SLC9A7: variants seen among roughly 807,000 people sequenced by gnomAD.
SLC9A7 encodes the protein sodium/hydrogen exchanger 7.
In SLC9A7, 19 loss-of-function variants were observed where a neutral mutation model predicts 52.6. The ratio of observed to expected loss-of-function variants is 0.36; its 90% CI spans 0.25 to 0.53. The LOEUF (loss-of-function observed/expected upper bound fraction) is 0.53. Among genes scored for constraint, SLC9A7 ranks in the 20% least tolerant of loss-of-function variants. The pLI, the probability that SLC9A7 is intolerant of heterozygous loss-of-function variation, is 0.91. For synonymous variants in SLC9A7, 226 were observed against 252.1 expected (o/e 0.90, Z 0.98); for missense variants, 455 against 597.9 (o/e 0.76, Z 2.49).
At chrX:46,675,007 T>C (rs1190065663) in intron 3 of SLC9A7, among the ~76,000 whole-genome samples, 1 of 108,975 alleles carries the variant, frequency 9.2e-6, no homozygotes, top group Non-Finnish European at 1.9e-5. Flanking sequence ...TAACATGTTA[T>C]TGTATATGTG....
At chrX:46,686,413 G>C (rs1306594896) in intron 1 of SLC9A7, among the ~76,000 whole-genome samples, 1 of 112,077 alleles carries the variant, frequency 8.9e-6, no homozygotes, top group African/African-American at 3.2e-5. Context: ...TCCATGGCAT[G>C]ATATTAAGTT....
chrX:46,655,324 G>A (rs974857554), intron 7 of SLC9A7, among the ~76,000 whole-genome samples: 9 of 111,949 alleles, frequency 8.0e-5, no homozygotes, highest in Non-Finnish European at 1.5e-4. Context: ...AAGATTGAAT[G>A]TATAAAATCT....
chrX:46,759,057 G>A lies in SLC9A7; in HGVS notation c.-28C>T, dbSNP rs1487417783. Reference sequence around the variant, plus strand: ...TCCCGGGGCCCCCCGCGCCTCCTCCGAGCGGGGACCAGCAGCCCGCGCCGT... The same window carrying A: ...TCCCGGGGCCCCCCGCGCCTCCTCCAAGCGGGGACCAGCAGCCCGCGCCGT... On this transcript the variant is annotated 5_prime_UTR_variant, in exon 1 of 17. Transcript: ENST00000616978. 3 of 890,749 alleles carry A rather than the reference G, an allele frequency of 3.4e-6. No homozygotes were observed. Among genetic ancestry groups the A allele is most frequent in the Non-Finnish European group, 2.8e-6 (2 of 722,648 alleles). 73.4% of individuals were successfully genotyped at this position (890,749 alleles called of 1,213,427 possible). A position where few individuals can be genotyped will look rare whatever the true frequency, so the allele number is the denominator to read the frequency against.
Position 46,752,990 on chromosome X carries a change from A to G in SLC9A7, c.325+5715T>C, listed in dbSNP as rs57215097. Reference sequence around the variant, plus strand: ...ATATTCTAAGAAATGCTTTTAGTAAATGTCATTTTTCTATTTTTTAAGATA... The same window carrying G: ...ATATTCTAAGAAATGCTTTTAGTAAGTGTCATTTTTCTATTTTTTAAGATA... On this transcript the variant is annotated intron_variant, in intron 1 of 16. Transcript: ENST00000616978. 7.1e-3 allele frequency among the ~76,000 whole-genome samples: 797 copies of G among 112,173 alleles called. 9 individuals carry two copies. The highest frequency in any genetic ancestry group is 0.024 in the African/African-American group (731 of 30,930).
At chrX:46,743,234 C>G (rs1483497576) in intron 1 of SLC9A7, among the ~76,000 whole-genome samples, 1 of 111,980 alleles carries the variant, frequency 8.9e-6, no homozygotes, top group Non-Finnish European at 1.9e-5. Context: ...CCTGCATGAC[C>G]TCATATTCCA....
At position 46,603,623 on chromosome X, in the gene SLC9A7, G is replaced by T. The variant is rs1321207820; in HGVS notation, c.*3329C>A. Reference sequence around the variant, plus strand: ...GGAGGCAGAGGCGGGTGGATCACGAGGTCAGCAGATCGAGACCATCCTGCC... The same window carrying T: ...GGAGGCAGAGGCGGGTGGATCACGATGTCAGCAGATCGAGACCATCCTGCC... On this transcript the variant is annotated 3_prime_UTR_variant, in exon 17 of 17. Coordinates refer to ENST00000616978, the MANE Select transcript of SLC9A7 (RefSeq NM_001257291.2). 1.8e-5 allele frequency: 2 copies of T among 111,818 alleles called. No homozygotes were observed. Among genetic ancestry groups the T allele is most frequent in the Admixed American group, 1.9e-4 (2 of 10,586 alleles). 9.2% of individuals were successfully genotyped at this position (111,818 alleles called of 1,213,427 possible).
chrX:46,633,756 C>T (rs1427196555), intron 13 of SLC9A7, among the ~76,000 whole-genome samples: 2 of 109,005 alleles, frequency 1.8e-5, no homozygotes, highest in African/African-American at 6.7e-5. Flanking sequence ...ACTGCAACCT[C>T]CATCTCCCGG....
intron 1 of SLC9A7, among the ~76,000 whole-genome samples, chrX:46,693,653 T>C (rs1944410570): frequency 9.1e-6 from 1 of 109,818 alleles, no homozygotes; most frequent in Non-Finnish European, 1.9e-5. Flanking sequence ...ATACAACCTT[T>C]AGGAAAAAAA....
intron 1 of SLC9A7, among the ~76,000 whole-genome samples, chrX:46,716,933 A>C (rs1313579021): frequency 4.5e-5 from 5 of 112,163 alleles, no homozygotes; most frequent in African/African-American, 1.6e-4. Context: ...CCCAGGACAG[A>C]AATGAAACAA....
chrX:46,604,511 C>T lies in SLC9A7; in HGVS notation c.*2441G>A, dbSNP rs1340977794. ...GCAGTGGCATGATCTCAGCTCATCG[C>T]AACCTCTGCCTCTTGGGCTCAAGCA... On this transcript the variant is annotated 3_prime_UTR_variant, in exon 17 of 17. Transcript: ENST00000616978. 9.1e-6 allele frequency: 1 copy of T among 109,442 alleles called. No individual in the cohort carries two copies. Among genetic ancestry groups the T allele is most frequent in the Non-Finnish European group, 1.9e-5 (1 of 52,644 alleles). 9.0% of individuals were successfully genotyped at this position (109,442 alleles called of 1,213,427 possible). A position where few individuals can be genotyped will look rare whatever the true frequency, so the allele number is the denominator to read the frequency against.
At chrX:46,703,637 T>C (rs943517247) in intron 1 of SLC9A7, among the ~76,000 whole-genome samples, 35 of 111,493 alleles carry the variant, frequency 3.1e-4, no homozygotes, top group Non-Finnish European at 5.6e-5. Flanking sequence ...GACACCACAT[T>C]ATTATAAAAG....
chrX:46,689,005 A>G (rs1478067561), intron 1 of SLC9A7, among the ~76,000 whole-genome samples: 1 of 110,088 alleles, frequency 9.1e-6, no homozygotes, highest in Non-Finnish European at 1.9e-5. Flanking sequence ...CTTTATTGTT[A>G]TACAATGAAT....
At chrX:46,703,490 C>T (rs5952927) in intron 1 of SLC9A7, among the ~76,000 whole-genome samples, 1 of 110,705 alleles carries the variant, frequency 9.0e-6, no homozygotes, top group South Asian at 3.8e-4. Flanking sequence ...TCTTGGAATT[C>T]GATTTGGTTC....
At chrX:46,635,172 C>T (rs1226225420) in intron 13 of SLC9A7, among the ~76,000 whole-genome samples, 1 of 111,970 alleles carries the variant, frequency 8.9e-6, no homozygotes, top group Admixed American at 9.5e-5. Context: ...GTAAGCCTTA[C>T]CCCAGTCATG....
chrX:46,750,325 T>C (rs747969105), intron 1 of SLC9A7, among the ~76,000 whole-genome samples: 6 of 111,513 alleles, frequency 5.4e-5, no homozygotes, highest in African/African-American at 2.0e-4. Flanking sequence ...CCTGGGAAAA[T>C]GGGACCAATA....
chrX:46,745,799 T>G (rs1423297474), intron 1 of SLC9A7, among the ~76,000 whole-genome samples: 2 of 107,605 alleles, frequency 1.9e-5, no homozygotes, highest in Admixed American at 2.0e-4. Context: ...GAGCTGCAAT[T>G]ACACCACTGC....
In SLC9A7 at chrX:46,635,615, C is replaced by G. The variant is rs757521650; in HGVS notation, c.1650G>C (p.Gln550His). ...TGAAGTACTGCCAGTGGTGTTCATT[C>G]TGGTCCTCTTCGGAGGGCTCCTCGA... ...VGVEEPSEED[Q>H]NEHHWQYFRV... is the part of the protein sequence containing the mutation. Residue 550 changes from glutamine (Q) to histidine (H), a missense_variant, in exon 13 of 17, where the codon CAG becomes CAC. By Grantham distance (24) the Gln-to-His change is conservative. Coordinates refer to ENST00000616978, the MANE Select transcript of SLC9A7 (RefSeq NM_001257291.2). The G allele has an allele frequency of 5.8e-6, 7 of 1,209,208 alleles. No homozygotes were observed. In the African/African-American group the frequency reaches 1.0e-4, roughly 18 times the overall value.
At chrX:46,611,254 T>G (rs1942843733) in intron 16 of SLC9A7, among the ~76,000 whole-genome samples, 1 of 112,290 alleles carries the variant, frequency 8.9e-6, no homozygotes, top group Non-Finnish European at 1.9e-5. Context: ...TTTAATCTAT[T>G]GGTTTGTGTC....
intron 1 of SLC9A7, among the ~76,000 whole-genome samples, chrX:46,755,699 T>C (rs1303150172): frequency 9.2e-6 from 1 of 108,909 alleles, no homozygotes; most frequent in African/African-American, 3.4e-5. Flanking sequence ...GGCGGGCGCC[T>C]GTAATCCCAG....
Sources: gnomAD v4.1 joint callset for allele counts (sites outside exome capture counted in the v4.1 genomes callset) on GRCh38, gnomAD v4.1.1 for gene constraint, MANE v1.5 for transcripts, NCBI Gene and HGNC (gene_info 2026-07-23, HGNC 2026-07-21) for gene names.